The following SUCLG2 variants were observed in gnomAD, a reference collection of about 807,000 sequenced individuals.
SUCLG2 encodes succinate-CoA ligase GDP-forming subunit beta, also known as succinate--CoA ligase [GDP-forming] subunit beta, mitochondrial.
SUCLG2 carries 42 observed loss-of-function variants against 47.9 expected under a neutral mutation model. The observed-to-expected ratio is 0.88, with a 90% confidence interval of 0.69 to 1.14. The LOEUF (loss-of-function observed/expected upper bound fraction) is 1.14, where lower values mean the gene tolerates loss of function less well. Ranked by LOEUF, SUCLG2 falls within the 50% of genes most tolerant of loss-of-function variation. SUCLG2 has a pLI of 0.00. For missense variants in SUCLG2, 571 were observed against 525.9 expected, an observed-to-expected ratio of 1.09 and a Z score of -0.84; for synonymous variants, 195 against 197.3, an observed-to-expected ratio of 0.99 and a Z score of 0.10.
chr3:67,571,249 T>C (rs1575786696), intron 2 of SUCLG2, among the ~76,000 whole-genome samples: 1 of 152,230 alleles, frequency 6.6e-6, no homozygotes, highest in Middle Eastern at 3.4e-3. Context: ...TGGCACCTAG[T>C]ACTCCACCTC....
At chr3:67,443,784 C>A in intron 9 of SUCLG2, among the ~76,000 whole-genome samples, 1 of 85,820 alleles carries the variant, frequency 1.2e-5, no homozygotes, top group Non-Finnish European at 2.8e-5. Flanking sequence ...CCGGCCGCCC[C>A]GTCTGAGAAG....
downstream of SUCLG2, among the ~76,000 whole-genome samples, chr3:67,370,369 AT>A (rs1370479665): frequency 3.9e-5 from 6 of 152,234 alleles, no homozygotes; most frequent in Admixed American, 3.3e-4. Context: ...TTTTAAAAAA[AT>A]AATAGATTTT....
chr3:67,443,043 T>C (rs1317311066), intron 9 of SUCLG2, among the ~76,000 whole-genome samples: 1 of 152,198 alleles, frequency 6.6e-6, no homozygotes, highest in Non-Finnish European at 1.5e-5. Context: ...ATGTACAGAC[T>C]TTCTTTGGTC....
chr3:67,627,908 C>G (rs1434933676), intron 1 of SUCLG2, among the ~76,000 whole-genome samples: 3 of 152,190 alleles, frequency 2.0e-5, no homozygotes, highest in Admixed American at 6.5e-5. Context: ...TCTTAGAGAG[C>G]TTCAACCTCT....
chr3:67,365,116 C>A (rs1701858151), intron 10 of SUCLG2, among the ~76,000 whole-genome samples: 1 of 152,074 alleles, frequency 6.6e-6, no homozygotes, highest in Non-Finnish European at 1.5e-5. Flanking sequence ...TTGAACAATG[C>A]AGAGAAAACA....
At chr3:67,548,790 C>T (rs999834671) in intron 2 of SUCLG2, among the ~76,000 whole-genome samples, 20 of 152,066 alleles carry the variant, frequency 1.3e-4, no homozygotes, top group Non-Finnish European at 2.6e-4. Flanking sequence ...CTAAGCATAA[C>T]AAAATATTTA....
At chr3:67,601,852 C>A (rs1046001760) in intron 2 of SUCLG2, among the ~76,000 whole-genome samples, 25 of 151,978 alleles carry the variant, frequency 1.6e-4, no homozygotes. Flanking sequence ...CATGGTGGTG[C>A]ACGCCTGTAA....
chr3:67,426,790 T>G (rs1703311638), intron 9 of SUCLG2, among the ~76,000 whole-genome samples: 1 of 152,042 alleles, frequency 6.6e-6, no homozygotes, highest in Admixed American at 6.5e-5. Context: ...TAGCCAGGTG[T>G]GGTGGTTCGC....
At chr3:67,452,774 T>C (rs60360464) in intron 9 of SUCLG2, among the ~76,000 whole-genome samples, 5,016 of 152,342 alleles carry the variant, frequency 0.033, 131 homozygotes, top group East Asian at 0.13. Flanking sequence ...ATTGTCATTC[T>C]GTGACTGAAA....
At chr3:67,480,743 C>T (rs1480942843) in intron 9 of SUCLG2, among the ~76,000 whole-genome samples, 1 of 152,206 alleles carries the variant, frequency 6.6e-6, no homozygotes, top group Non-Finnish European at 1.5e-5. Context: ...CTGAAAGTAA[C>T]CTACAATGGC....
intron 2 of SUCLG2, among the ~76,000 whole-genome samples, chr3:67,589,691 T>A (rs1349859812): frequency 6.6e-6 from 1 of 152,166 alleles, no homozygotes; most frequent in African/African-American, 2.4e-5. Flanking sequence ...GTCCTCTAAT[T>A]ATACTCCTAT....
intron 10 of SUCLG2, among the ~76,000 whole-genome samples, chr3:67,366,091 A>G (rs144091086): frequency 6.6e-6 from 1 of 152,290 alleles, no homozygotes; most frequent in African/African-American, 2.4e-5. Context: ...TCACACTAAC[A>G]TATACATGAA....
intron 1 of SUCLG2, among the ~76,000 whole-genome samples, chr3:67,623,881 G>A (rs550884337): frequency 9.9e-5 from 15 of 152,280 alleles, no homozygotes; most frequent in East Asian, 9.6e-4. Flanking sequence ...AAGAACCTAC[G>A]TGCACATTCA....
At chr3:67,379,403 T>C (rs1702105487) in intron 10 of SUCLG2, among the ~76,000 whole-genome samples, 1 of 152,224 alleles carries the variant, frequency 6.6e-6, no homozygotes, top group Non-Finnish European at 1.5e-5. Context: ...GATCCTGCTC[T>C]TTCTGGAGAC....
chr3:67,417,372 C>T (rs1298391790), intron 9 of SUCLG2, among the ~76,000 whole-genome samples: 1 of 152,218 alleles, frequency 6.6e-6, no homozygotes, highest in African/African-American at 2.4e-5. Context: ...TGGAACAAAA[C>T]TGCATGTCTG....
intron 2 of SUCLG2, among the ~76,000 whole-genome samples, chr3:67,608,875 C>T: frequency 6.6e-6 from 1 of 152,012 alleles, no homozygotes. Context: ...ACGGGTTCTG[C>T]TATGTTGCCC....
intron 1 of SUCLG2, among the ~76,000 whole-genome samples, chr3:67,616,102 C>T (rs1457803184): frequency 6.6e-6 from 1 of 151,826 alleles, no homozygotes. Flanking sequence ...TTGTTGGCTA[C>T]AAGGACCTGG....
chr3:67,642,233 G>T (rs1701114041), intron 1 of SUCLG2, among the ~76,000 whole-genome samples: 1 of 152,194 alleles, frequency 6.6e-6, no homozygotes, highest in East Asian at 1.9e-4. Context: ...GTGGCATCCT[G>T]AGGAGATGTG....
At chr3:67,423,110 T>C (rs1379634454) in intron 9 of SUCLG2, among the ~76,000 whole-genome samples, 5 of 152,154 alleles carry the variant, frequency 3.3e-5, no homozygotes, top group Non-Finnish European at 2.9e-5. Flanking sequence ...ACTGTAATAA[T>C]GCCCACGTAT....
Sources: allele counts gnomAD v4.1 joint callset (sites outside exome capture counted in the v4.1 genomes callset), GRCh38; gene constraint gnomAD v4.1.1; transcripts MANE v1.5; gene names NCBI Gene and HGNC (gene_info 2026-07-23, HGNC 2026-07-21).